ZNF69: variants seen among roughly 807,000 people sequenced by gnomAD.
ZNF69 encodes ZNF3.
In ZNF69, 47 loss-of-function variants were observed where a neutral mutation model predicts 50.9. The ratio of observed to expected loss-of-function variants is 0.92; its 90% CI spans 0.73 to 1.18. The LOEUF is 1.18. Among genes scored for constraint, ZNF69 ranks in the 50% most tolerant of loss-of-function variants. The probability of loss-of-function intolerance (pLI) is 0.00; values close to 1 mark genes in which losing one functional copy is unlikely to be tolerated. For synonymous variants in ZNF69, 216 were observed against 223.1 expected (o/e 0.97, Z 0.29); for missense variants, 717 against 675.1 (o/e 1.06, Z -0.69).
chr19:11,977,338 C>T, the ZNF69 span: 11 of 1,612,042 alleles, frequency 6.8e-6, no homozygotes, highest in African/African-American at 1.3e-5. Context: ...TTTTATATTG[C>T]TTCAGGACTA....
rs1332156967 is a variant in ZNF69, at chr19:11,906,293, A to C, written c.*195A>C. 4 of 1,419,296 alleles carry C rather than the reference A, an allele frequency of 2.8e-6. No homozygotes were observed. The East Asian group carries it at 1.0e-4, about 36-fold the overall frequency. The allele number at this position is 1,419,296 out of a possible 1,614,324, so 87.9% of individuals were successfully genotyped here. ...AGGCAGCAGAAACTTCTGCAGACTT[A>C]AATGTCCCTGTCTGACAGCTTTGAA... On this transcript the variant is annotated 3_prime_UTR_variant, in exon 4 of 4. Transcript: ENST00000429654.
rs372696659 is a variant in ZNF69, at chr19:11,895,794, T to C, written c.64-7779T>C. On this transcript the variant is annotated intron_variant, in intron 1 of 3. Transcript: ENST00000429654. The stretch of plus-strand genomic sequence containing the variant: ...CTCTAGAATTAATTAAATTATTGTA[T>C]GTGGAGATGATGGGTAGTAAACTGA... Among the ~76,000 whole-genome samples, 10 of 152,358 alleles carry C rather than the reference T, an allele frequency of 6.6e-5. No individual in the cohort carries two copies. In the East Asian group the frequency reaches 1.9e-3, roughly 29 times the overall value.
the ZNF69 span, among the ~76,000 whole-genome samples, chr19:11,963,516 T>C: frequency 6.6e-6 from 1 of 152,328 alleles, no homozygotes; most frequent in East Asian, 1.9e-4. Flanking sequence ...TTCACTTTTC[T>C]TTCCATAAGG....
At chr19:11,926,960 A>G in the ZNF69 span, among the ~76,000 whole-genome samples, 7 of 152,324 alleles carry the variant, frequency 4.6e-5, no homozygotes, top group African/African-American at 1.7e-4. Flanking sequence ...TTGTATTACC[A>G]GGAAAAGAGG....
the ZNF69 span, among the ~76,000 whole-genome samples, chr19:11,962,938 C>G: frequency 5.9e-5 from 9 of 152,248 alleles, no homozygotes; most frequent in East Asian, 9.6e-4. Flanking sequence ...GCAAGGAGGT[C>G]ATCCTGCCTG....
chr19:11,979,355 T>A, the ZNF69 span: 2 of 1,610,606 alleles, frequency 1.2e-6, no homozygotes, highest in African/African-American at 2.7e-5. Flanking sequence ...AGAGAAACCC[T>A]ATGAGTGTAA....
the ZNF69 span, among the ~76,000 whole-genome samples, chr19:11,922,845 GA>G: frequency 8.8e-6 from 1 of 113,810 alleles, no homozygotes; most frequent in South Asian, 2.4e-4. Flanking sequence ...TTTTTTTTTT[GA>G]GACAGTGTCT....
the ZNF69 span, among the ~76,000 whole-genome samples, chr19:11,931,277 A>G: frequency 1.1e-4 from 16 of 147,918 alleles, no homozygotes; most frequent in South Asian, 2.1e-4. Flanking sequence ...GTGTCCAGCA[A>G]GGGCCCGCTT....
chr19:11,947,525 A>G, the ZNF69 span: 4 of 1,612,458 alleles, frequency 2.5e-6, no homozygotes, highest in Non-Finnish European at 3.4e-6. Flanking sequence ...AAAAAAATGG[A>G]GTGACCAGAA....
intron 1 of ZNF69, among the ~76,000 whole-genome samples, chr19:11,898,917 G>A (rs900694589): frequency 1.3e-5 from 2 of 152,202 alleles, no homozygotes; most frequent in African/African-American, 4.8e-5. Flanking sequence ...CATATTACAT[G>A]TGAACATGAT....
chr19:11,925,791 A>T, the ZNF69 span, among the ~76,000 whole-genome samples: 1 of 152,242 alleles, frequency 6.6e-6, no homozygotes, highest in Non-Finnish European at 1.5e-5. Context: ...TATGTAAAAT[A>T]AAGAAGTTTA....
intron 1 of ZNF69, among the ~76,000 whole-genome samples, chr19:11,902,272 A>G (rs761748067): frequency 2.0e-4 from 30 of 152,266 alleles, no homozygotes; most frequent in South Asian, 4.1e-4. Context: ...GTCAGCCACC[A>G]TGCCCGGCTA....
chr19:11,927,711 G>A, the ZNF69 span, among the ~76,000 whole-genome samples: 3 of 152,102 alleles, frequency 2.0e-5, no homozygotes, highest in Non-Finnish European at 4.4e-5. Context: ...TAATTATCTT[G>A]AAAGCACATA....
At chr19:11,915,632 G>A (rs1972515486), downstream of ZNF69, among the ~76,000 whole-genome samples, 1 of 152,112 alleles carries the variant, frequency 6.6e-6, no homozygotes, top group Admixed American at 6.5e-5. Flanking sequence ...CACCAGGTGG[G>A]GTGGCTCACG....
Position 11,904,856 on chromosome 19 carries a change from C to A in ZNF69, c.459C>A (p.Ala153=), listed in dbSNP as rs146574748. The change falls in exon 4 of 4, where the codon GCC becomes GCA. Residue 153 remains alanine, a synonymous_variant. Transcript: ENST00000429654. ...TCAGAGGTGACATTGGACACAAGGC[C>A]TATGAGTATCAGGAATATGGACCGA... ...MNIRGDIGHK[A]YEYQEYGPKP... 69 of 1,614,050 alleles carry A rather than the reference C, an allele frequency of 4.3e-5. No individual in the cohort carries two copies. The African/African-American group carries it at 6.7e-4, about 16-fold the overall frequency.
the ZNF69 span, chr19:11,979,397 C>T: frequency 6.2e-7 from 1 of 1,604,848 alleles, no homozygotes; most frequent in Non-Finnish European, 8.5e-7. Flanking sequence ...ATCTGCCTCA[C>T]ACCTTCAAAT....
the ZNF69 span, among the ~76,000 whole-genome samples, chr19:11,963,458 C>G: frequency 6.6e-6 from 1 of 152,170 alleles, no homozygotes; most frequent in Admixed American, 6.5e-5. Flanking sequence ...TATTCCCTCA[C>G]AGTGATACTC....
the ZNF69 span, chr19:11,950,447 G>A: frequency 2.8e-6 from 2 of 720,508 alleles, no homozygotes; most frequent in African/African-American, 1.8e-5. Flanking sequence ...TGTCATGAAA[G>A]GACTCACACG....
Position 11,905,527 on chromosome 19 carries a change from G to T in ZNF69, c.1130G>T (p.Arg377Ile), listed in dbSNP as rs772525215. 3.1e-6 allele frequency: 5 copies of T among 1,613,754 alleles called. No homozygotes were observed. In the Admixed American group the frequency reaches 5.0e-5, roughly 16 times the overall value. ...KGFCSANSFQ[R>I]HEKTHSGEKP... is the part of the protein sequence containing the mutation. ...TTTTGTTCTGCCAATTCATTTCAAA[G>T]ACATGAAAAAACTCACAGTGGAGAG... Residue 377 changes from arginine to isoleucine, a missense_variant, in exon 4 of 4, where the codon AGA becomes ATA. By Grantham distance (97) the Arg-to-Ile change is moderately conservative. Coordinates refer to ENST00000429654, the MANE Select transcript of ZNF69 (RefSeq NM_001364730.1).
Sources: gnomAD v4.1 joint callset for allele counts (sites outside exome capture counted in the v4.1 genomes callset) on GRCh38, gnomAD v4.1.1 for gene constraint, MANE v1.5 for transcripts, NCBI Gene and HGNC (gene_info 2026-07-23, HGNC 2026-07-21) for gene names.